The following ZP4 variants were observed in gnomAD, a reference collection of about 807,000 sequenced individuals.
ZP4 encodes the protein zona pellucida glycoprotein 4.
ZP4 carries 62 observed loss-of-function variants against 62.3 expected under a neutral mutation model. The observed-to-expected ratio is 0.99, with a 90% CI of 0.81 to 1.23. The LOEUF is 1.23. ZP4 is among the 50% of genes most tolerant of loss of function. The probability of loss-of-function intolerance (pLI) is 0.00; values close to 1 mark genes in which losing one functional copy is unlikely to be tolerated. For missense variants in ZP4, 774 were observed against 656.0 expected (o/e 1.18, Z -1.97); for synonymous variants, 289 against 247.3 (o/e 1.17, Z -1.58).
chr1:237,882,665 G>A (rs944052485), intron 11 of ZP4, 77 bp downstream of exon 11: 8 of 1,588,614 alleles, frequency 5.0e-6, no homozygotes, highest in African/African-American at 4.1e-5. Flanking sequence ...ACTAGAACAA[G>A]AGGGATAGAA....
In ZP4 at chr1:237,888,877, T is replaced by C. The variant is rs886202738; in HGVS notation, c.401-367A>G. On this transcript the variant is annotated intron_variant, in intron 3 of 11. Transcript: ENST00000366570. ...GAGTTATCTGAAGATTGTTTTTGAGTTCAGGTCTGGTTCAGAACTGGGGTG... is the reference window on the plus strand; with the variant it reads ...GAGTTATCTGAAGATTGTTTTTGAGCTCAGGTCTGGTTCAGAACTGGGGTG... Among the ~76,000 whole-genome samples the C allele has an allele frequency of 2.0e-5, 3 of 152,294 alleles. No homozygotes were observed. The East Asian group carries it at 5.8e-4, about 29-fold the overall frequency.
At chr1:237,883,705 G>A (rs1191535515) in intron 10 of ZP4, among the ~76,000 whole-genome samples, 4 of 39,788 alleles carry the variant, frequency 1.0e-4, no homozygotes, top group African/African-American at 1.7e-4. Flanking sequence ...GGGGGAGGGC[G>A]GGGGAGGGCG....
rs1264924548 is a variant in ZP4, at chr1:237,882,856, A to G, written c.1391-10T>C. The G allele has an allele frequency of 1.9e-5, 31 of 1,609,798 alleles. No homozygotes were observed. The highest frequency in any genetic ancestry group is 2.5e-5 in the Non-Finnish European group (30 of 1,176,968). ...TCAAAATTTCTTCTTCCTGTTAGAG[A>G]AATGAGACCTAGTAATTCATTAGTT... is the stretch of plus-strand genomic sequence containing the variant. On this transcript the variant is annotated splice_polypyrimidine_tract_variant and intron_variant, in intron 10 of 11. Transcript: ENST00000366570.
Position 237,884,749 on chromosome 1 carries a change from C to T in ZP4, c.1390+20G>A, listed in dbSNP as rs563725129. 54 of 1,610,274 alleles carry T rather than the reference C, an allele frequency of 3.4e-5. No individual in the cohort carries two copies. The South Asian group carries it at 5.6e-4, about 17-fold the overall frequency. ...CTCAAGATTCATTCAAATCTGTCCT[C>T]TAACAGCTTGGTTACTCACGACTGA... On this transcript the variant is annotated intron_variant, in intron 10 of 11. Coordinates refer to ENST00000366570, the MANE Select transcript of ZP4 (RefSeq NM_021186.5).
chr1:237,882,418 G>C lies in ZP4; in HGVS notation c.*4C>G. On this transcript the variant is annotated 3_prime_UTR_variant, in exon 12 of 12. Transcript: ENST00000366570. ...TCAGCACAGGCTGGGAATACACTCT[G>C]GTTTTATTGACACATTTGGTCTGGG... 6.2e-7 allele frequency: 1 copy of C among 1,609,968 alleles called. No homozygotes were observed. The highest frequency in any genetic ancestry group is 8.5e-7 in the Non-Finnish European group (1 of 1,179,166).
rs1571928678 is a variant in ZP4 at position 237,882,418 on chromosome 1, G to T, written c.*4C>A. 1.2e-6 allele frequency: 2 copies of T among 1,609,968 alleles called. No homozygotes were observed. The highest frequency in any genetic ancestry group is 2.2e-5 in the South Asian group (2 of 90,216). On this transcript the variant is annotated 3_prime_UTR_variant, in exon 12 of 12. Coordinates refer to ENST00000366570, the MANE Select transcript of ZP4 (RefSeq NM_021186.5). The stretch of plus-strand genomic sequence containing the variant: ...TCAGCACAGGCTGGGAATACACTCT[G>T]GTTTTATTGACACATTTGGTCTGGG...
intron 4 of ZP4, among the ~76,000 whole-genome samples, chr1:237,887,879 C>T (rs557801038): frequency 4.6e-5 from 5 of 108,390 alleles, no homozygotes; most frequent in African/African-American, 3.5e-4. Context: ...CTTGGAATAG[C>T]GTGTGCGATT....
rs944865084 is a variant in ZP4 at position 237,890,795 on chromosome 1, C to T, written c.-160G>A. 1.4e-6 allele frequency: 1 copy of T among 736,290 alleles called. No individual in the cohort carries two copies. Among genetic ancestry groups the T allele is most frequent in the African/African-American group, 1.8e-5 (1 of 55,852 alleles). The allele number at this position is 736,290 out of a possible 1,614,324, so 45.6% of individuals were successfully genotyped here. On this transcript the variant is annotated 5_prime_UTR_variant, in exon 1 of 12. Coordinates refer to ENST00000366570, the MANE Select transcript of ZP4 (RefSeq NM_021186.5). ...GGGATGCCTTCAGAAAGGGGAATTC[C>T]TCTAGCCTCATTTGCTTTGGGGCAC...
chr1:237,888,278 T>C lies in ZP4; in HGVS notation c.553+80A>G, dbSNP rs377027433. On this transcript the variant is annotated intron_variant, in intron 4 of 11. Coordinates refer to ENST00000366570, the MANE Select transcript of ZP4 (RefSeq NM_021186.5). ...GCCTGCTATCACTTGATGTTTGCCT[T>C]CTGAGCAAACCCCTCTCTGGGTTTC... 32 of 1,421,870 alleles carry C rather than the reference T, an allele frequency of 2.3e-5. No individual in the cohort carries two copies. In the East Asian group the frequency reaches 4.1e-4, roughly 18 times the overall value. 88.1% of individuals were successfully genotyped at this position (1,421,870 alleles called of 1,614,324 possible).
intron 10 of ZP4, among the ~76,000 whole-genome samples, chr1:237,884,004 ACACACACACACAAACACACAC>A: frequency 1.1e-5 from 1 of 91,608 alleles, no homozygotes; most frequent in African/African-American, 4.7e-5. Flanking sequence ...ACACACACAC[ACACACACACACAAACACACAC>A]ACACACAAAC....
chr1:237,883,698 G>GAA (rs1664981411), intron 10 of ZP4, among the ~76,000 whole-genome samples: 1 of 18,590 alleles, frequency 5.4e-5, no homozygotes, highest in African/African-American at 2.9e-4. Context: ...GGAGGGCGGG[G>GAA]GAGGGCGGGG....
Position 237,885,166 on chromosome 1 carries a change from G to A in ZP4, c.1310C>T (p.Pro437Leu), listed in dbSNP as rs35651972. 2,685 of 1,613,088 alleles carry A rather than the reference G, an allele frequency of 1.7e-3. 28 individuals are homozygous for A. The African/African-American group carries it at 0.027, about 16-fold the overall frequency. The change falls in exon 9 of 12, where the codon CCG (proline) becomes CTG (leucine). Residue 437 changes from proline (P) to leucine (L), a missense_variant and splice_region_variant. Pro to Leu is a moderately conservative substitution (Grantham distance 98). Coordinates refer to ENST00000366570, the MANE Select transcript of ZP4 (RefSeq NM_021186.5). ...GTGTCATGGAAGGGAACATCCTACC[G>A]GTCCCCTGAGGGCCTGTTTCTCCAC... The part of the protein sequence containing the change: ...PTVEKQALRG[P>L]VHLHCSVSVC...
intron 1 of ZP4, 38 bp from the exon 2 acceptor site, chr1:237,890,214 C>A: frequency 1.2e-6 from 2 of 1,612,356 alleles, no homozygotes; most frequent in South Asian, 2.2e-5. Context: ...ACACAGCGGT[C>A]AGTCTCCAGT....
At chr1:237,884,693 G>A in intron 10 of ZP4, 76 bp downstream of exon 10, 1 of 1,366,590 alleles carries the variant, frequency 7.3e-7, no homozygotes, top group Non-Finnish European at 1.0e-6. Flanking sequence ...TGAGTTGTTT[G>A]GCCAGAGACT....
In ZP4 at chr1:237,882,521, C is replaced by G. The variant is rs373221717; in HGVS notation, c.1524G>C (p.Trp508Cys). 3.7e-4 allele frequency: 587 copies of G among 1,605,958 alleles called. 14 individuals are homozygous for G. In the South Asian group the frequency reaches 5.7e-3, roughly 15 times the overall value. Residue 508 changes from tryptophan (W) to cysteine (C), a missense_variant, in exon 12 of 12, where the codon TGG becomes TGC. Trp to Cys is a radical substitution (Grantham distance 215). Coordinates refer to ENST00000366570, the MANE Select transcript of ZP4 (RefSeq NM_021186.5). Reference protein sequence around the residue: ...LRVPVDSKVLWVAGLSGTLIL... With the variant: ...LRVPVDSKVLCVAGLSGTLIL... ...TTAAGGTCCCAGAAAGGCCTGCCAC[C>G]CACAGAACTTTCGAGTCTACAGGAA...
intron 5 of ZP4, among the ~76,000 whole-genome samples, 162 bp downstream of exon 5, chr1:237,887,211 AC>A (rs1558533541): frequency 6.6e-6 from 1 of 152,090 alleles, no homozygotes; most frequent in Non-Finnish European, 1.5e-5. Flanking sequence ...GAAGAGATTA[AC>A]TTTTTCAGTG....
At chr1:237,884,917 C>T in intron 9 of ZP4, 70 bp from the exon 10 acceptor site, 3 of 1,512,000 alleles carry the variant, frequency 2.0e-6, no homozygotes, top group East Asian at 4.6e-5. Flanking sequence ...TGCTTTGCCT[C>T]CCCAGGAAGA....
chr1:237,886,981 T>A, intron 5 of ZP4, 113 bp from the exon 6 acceptor site: 2 of 912,030 alleles, frequency 2.2e-6, no homozygotes, highest in Non-Finnish European at 3.4e-6. Flanking sequence ...TATTTCCTAT[T>A]ACTTCAGCAG....
chr1:237,882,677 G>A, intron 11 of ZP4, 65 bp downstream of exon 11: 1 of 1,593,016 alleles, frequency 6.3e-7, no homozygotes, highest in Non-Finnish European at 8.6e-7. Context: ...GGGATAGAAA[G>A]GAGGAAGTTG....
Sources: allele counts gnomAD v4.1 joint callset (sites outside exome capture counted in the v4.1 genomes callset), GRCh38; gene constraint gnomAD v4.1.1; transcripts MANE v1.5; gene names NCBI Gene and HGNC (gene_info 2026-07-23, HGNC 2026-07-21).